Variants in JPH2 observed in about 807,000 individuals in gnomAD.
The protein encoded by JPH2 is junctophilin 2.
JPH2 carries 38 observed loss-of-function variants against 55.9 expected under a neutral mutation model. That is an observed-to-expected ratio of 0.68 (90% CI 0.52 to 0.89). The LOEUF (loss-of-function observed/expected upper bound fraction) is 0.89, where lower values mean the gene tolerates loss of function less well. Among genes scored for constraint, JPH2 ranks in the 40% least tolerant of loss-of-function variants. JPH2 has a pLI of 0.00. For synonymous variants in JPH2, 480 were observed against 472.4 expected (o/e 1.02, Z -0.21); for missense variants, 964 against 1,037.6 (o/e 0.93, Z 0.97).
At chr20:44,148,292 C>T (rs73291142) in intron 2 of JPH2, among the ~76,000 whole-genome samples, 3,483 of 152,328 alleles carry the variant, frequency 0.023, 145 homozygotes, top group African/African-American at 0.078. Context: ...GAATGTCATC[C>T]AATAGCGTTG....
rs745542565 is a variant in JPH2, at chr20:44,111,115, G to T, written c.*2403C>A. 6.6e-6 allele frequency among the ~76,000 whole-genome samples: 1 copy of T among 152,216 alleles called. No individual in the cohort carries two copies. ...GCAAGTCCCTCTGCTCTAAGCCTCT[G>T]TGGAATGTGGCGATCCCCTCAGGCT... is the stretch of plus-strand genomic sequence containing the variant. On this transcript the variant is annotated 3_prime_UTR_variant, in exon 6 of 6. Coordinates refer to ENST00000372980, the MANE Select transcript of JPH2 (RefSeq NM_020433.5).
chr20:44,170,502 G>A (rs1203604436), intron 1 of JPH2, among the ~76,000 whole-genome samples: 2 of 152,218 alleles, frequency 1.3e-5, no homozygotes, highest in African/African-American at 4.8e-5. Flanking sequence ...GCATCAGAGA[G>A]TCCAGGGGTT....
At chr20:44,148,921 G>C (rs749363367) in intron 2 of JPH2, among the ~76,000 whole-genome samples, 4 of 152,070 alleles carry the variant, frequency 2.6e-5, no homozygotes, top group Admixed American at 6.6e-5. Context: ...AAAACAATTA[G>C]CTGGGTGTGG....
At chr20:44,116,438 T>G in intron 3 of JPH2, 52 bp from the exon 4 acceptor site, 1 of 1,538,098 alleles carries the variant, frequency 6.5e-7, no homozygotes, top group Non-Finnish European at 8.7e-7. Context: ...CACTGTTGGG[T>G]GATCCTGGGC....
At chr20:44,162,905 C>T (rs1043429260) in intron 1 of JPH2, among the ~76,000 whole-genome samples, 20 of 150,634 alleles carry the variant, frequency 1.3e-4, no homozygotes, top group South Asian at 4.2e-4. Context: ...TTTCACATTG[C>T]GTGCCTTTAT....
Position 44,108,645 on chromosome 20 carries a change from AAAG to A in JPH2, c.*4870_*4872del, listed in dbSNP as rs1369695899. 9.9e-5 allele frequency among the ~76,000 whole-genome samples: 15 copies of A among 151,678 alleles called. No homozygotes were observed. The highest frequency in any genetic ancestry group is 8.3e-4 in the South Asian group (4 of 4,798). On this transcript the variant is annotated 3_prime_UTR_variant, in exon 6 of 6. Transcript: ENST00000372980. ...GAGACTCTGTCTCAAAAAAAAAAAAAAAGAAAAGAGGAAGAAGAAGTGACTGTA... is the reference window on the plus strand; with the variant it reads ...GAGACTCTGTCTCAAAAAAAAAAAAAAAAAGAGGAAGAAGAAGTGACTGTA...
At chr20:44,134,587 TA>T (rs1375230831) in intron 2 of JPH2, among the ~76,000 whole-genome samples, 1 of 3,138 alleles carries the variant, frequency 3.2e-4, no homozygotes, top group African/African-American at 1.5e-3. Flanking sequence ...ATTATAAATA[TA>T]TATAAATATA....
chr20:44,108,308 T>C lies in JPH2; in HGVS notation c.*5210A>G, dbSNP rs6065703. Among the ~76,000 whole-genome samples, 77,305 of 151,994 alleles carry C rather than the reference T, an allele frequency of 0.51. 21,213 individuals are homozygous for C. Among genetic ancestry groups the C allele is most frequent in the African/African-American group, 0.73 (30,278 of 41,466 alleles). ...TTGGCTGGTTCTGATTCGCATTCTT[T>C]GCTTGTAATCAATGTGACTTGAGTA... On this transcript the variant is annotated 3_prime_UTR_variant, in exon 6 of 6. Transcript: ENST00000372980.
At chr20:44,137,226 G>C (rs73908571) in intron 2 of JPH2, among the ~76,000 whole-genome samples, 258 of 152,208 alleles carry the variant, frequency 1.7e-3, no homozygotes, top group African/African-American at 5.9e-3. Context: ...TTAGCTCTTG[G>C]TGTGCTCTGC....
chr20:44,153,044 A>G (rs2072542410), intron 2 of JPH2, among the ~76,000 whole-genome samples: 1 of 152,232 alleles, frequency 6.6e-6, no homozygotes, highest in Admixed American at 6.5e-5. Flanking sequence ...GAAGATTAAG[A>G]CAGTAAGTAG....
At chr20:44,178,295 C>G (rs2072752070) in intron 1 of JPH2, among the ~76,000 whole-genome samples, 1 of 152,172 alleles carries the variant, frequency 6.6e-6, no homozygotes, top group Non-Finnish European at 1.5e-5. Flanking sequence ...AGTTGTATTT[C>G]TATAAACTAG....
chr20:44,158,094 G>C (rs1373456626), intron 2 of JPH2, among the ~76,000 whole-genome samples: 2 of 152,200 alleles, frequency 1.3e-5, no homozygotes, highest in African/African-American at 4.8e-5. Context: ...CTGGCACATA[G>C]AGAATCCTAT....
At chr20:44,144,927 C>T (rs1052651462) in intron 2 of JPH2, among the ~76,000 whole-genome samples, 10 of 151,806 alleles carry the variant, frequency 6.6e-5, no homozygotes, top group Non-Finnish European at 1.3e-4. Context: ...TGACCCTCTC[C>T]TAGGCCCCAC....
At chr20:44,165,030 G>T (rs748456505) in intron 1 of JPH2, among the ~76,000 whole-genome samples, 2 of 151,978 alleles carry the variant, frequency 1.3e-5, no homozygotes, top group Non-Finnish European at 2.9e-5. Context: ...TAGAGATGGG[G>T]TTTCATCATG....
At chr20:44,179,538 G>C (rs1182066843) in intron 1 of JPH2, among the ~76,000 whole-genome samples, 1 of 152,072 alleles carries the variant, frequency 6.6e-6, no homozygotes, top group African/African-American at 2.4e-5. Flanking sequence ...TATTACTATT[G>C]TCAAGGCCAG....
In JPH2 at chr20:44,186,368, C is replaced by T; in HGVS notation, c.338G>A (p.Gly113Asp). The change falls in exon 1 of 6, where the codon GGC becomes GAC. Residue 113 changes from glycine (G) to aspartate (D), a missense_variant. Gly to Asp is a moderately conservative substitution (Grantham distance 94). Coordinates refer to ENST00000372980, the MANE Select transcript of JPH2 (RefSeq NM_020433.5). The part of the protein sequence containing the change: ...GAKYEGTWNN[G>D]LQDGYGTETY... ...CTCGGTGCCATAGCCGTCTTGCAGG[C>T]CATTGTTCCAGGTGCCCTCATACTT... is the stretch of plus-strand genomic sequence containing the variant. The T allele has an allele frequency of 6.2e-7, 1 of 1,612,602 alleles. No individual in the cohort carries two copies. The highest frequency in any genetic ancestry group is 8.5e-7 in the Non-Finnish European group (1 of 1,179,726).
At position 44,111,037 on chromosome 20, in the gene JPH2, A is replaced by G. The variant is rs1178821147; in HGVS notation, c.*2481T>C. Among the ~76,000 whole-genome samples the G allele has an allele frequency of 6.6e-6, 1 of 152,216 alleles. No homozygotes were observed. Among genetic ancestry groups the G allele is most frequent in the Non-Finnish European group, 1.5e-5 (1 of 68,032 alleles). On this transcript the variant is annotated 3_prime_UTR_variant, in exon 6 of 6. Transcript: ENST00000372980. ...CTTCATGGGCAGTACTTATTCCTAA[A>G]AAGTCAAGAGAACTGCTTTCCTGCC... is the stretch of plus-strand genomic sequence containing the variant.
intron 2 of JPH2, among the ~76,000 whole-genome samples, chr20:44,134,914 A>AC (rs1569195945): frequency 3.7e-3 from 195 of 52,708 alleles, no homozygotes; most frequent in Non-Finnish European, 5.9e-3. Context: ...ATATATATAA[A>AC]ATATATATAT....
chr20:44,164,045 G>A (rs6103662), intron 1 of JPH2, among the ~76,000 whole-genome samples: 41,082 of 152,152 alleles, frequency 0.27, 5,651 homozygotes, highest in Admixed American at 0.35. Context: ...TCATAGGTAG[G>A]TTGATGTTCA....
Sources: allele counts gnomAD v4.1 joint callset (sites outside exome capture counted in the v4.1 genomes callset), GRCh38; gene constraint gnomAD v4.1.1; transcripts MANE v1.5; gene names NCBI Gene and HGNC (gene_info 2026-07-23, HGNC 2026-07-21).